Variants in RPS6KA5 observed in about 807,000 individuals in gnomAD.
RPS6KA5 encodes the protein ribosomal protein S6 kinase alpha-5.
Under a neutral mutation model 85.5 loss-of-function variants are expected in RPS6KA5, and 27 were observed. That is an observed-to-expected ratio of 0.32 (90% CI 0.23 to 0.44). The LOEUF (loss-of-function observed/expected upper bound fraction) is 0.44, where lower values mean the gene tolerates loss of function less well. Ranked by LOEUF, RPS6KA5 falls within the 20% of genes least tolerant of loss-of-function variation. The pLI is 1.00. For synonymous variants in RPS6KA5, 334 were observed against 348.2 expected (o/e 0.96, Z 0.46); for missense variants, 811 against 980.9 (o/e 0.83, Z 2.31).
Position 90,854,936 on chromosome 14 carries a change from A to C in RPS6KA5, c.*17138T>G, listed in dbSNP as rs2032196097. ...AATTCTTCACATAAAGATTTTATGT[A>C]AAACACTCTGCAGTTAGAAACAATC... is the stretch of plus-strand genomic sequence containing the variant. On this transcript the variant is annotated 3_prime_UTR_variant, in exon 17 of 17. Coordinates refer to ENST00000614987, the MANE Select transcript of RPS6KA5 (RefSeq NM_004755.4). 1 of 152,236 alleles carries C rather than the reference A, an allele frequency of 6.6e-6. No individual in the cohort carries two copies. Among genetic ancestry groups the C allele is most frequent in the Non-Finnish European group, 1.5e-5 (1 of 68,034 alleles). 9.4% of individuals were successfully genotyped at this position (152,236 alleles called of 1,614,324 possible).
intron 2 of RPS6KA5, among the ~76,000 whole-genome samples, chr14:90,982,288 A>G (rs2039825909): frequency 6.8e-6 from 1 of 147,670 alleles, no homozygotes; most frequent in Non-Finnish European, 1.5e-5. Flanking sequence ...CCTTTGGCAA[A>G]AAAAAAAAAA....
rs956982159 is a variant in RPS6KA5 at position 90,856,749 on chromosome 14, C to G, written c.*15325G>C. 2 of 152,206 alleles carry G rather than the reference C, an allele frequency of 1.3e-5. No individual in the cohort carries two copies. Among genetic ancestry groups the G allele is most frequent in the African/African-American group, 4.8e-5 (2 of 41,420 alleles). The allele number at this position is 152,206 out of a possible 1,614,324, so 9.4% of individuals were successfully genotyped here. ...TACTACATTTACAATGTCTTGCAAC[C>G]ATTACCACTACCTAATTCCAGAACA... On this transcript the variant is annotated 3_prime_UTR_variant, in exon 17 of 17. Coordinates refer to ENST00000614987, the MANE Select transcript of RPS6KA5 (RefSeq NM_004755.4).
chr14:90,918,240 T>A (rs995607975), intron 7 of RPS6KA5, among the ~76,000 whole-genome samples: 35 of 152,218 alleles, frequency 2.3e-4, no homozygotes, highest in Non-Finnish European at 3.7e-4. Context: ...GAATATATAG[T>A]GGTATTTCAT....
rs368981879 is a variant in RPS6KA5 at position 90,908,439 on chromosome 14, T to C, written c.807-2140A>G. ...GGCCAGAAGCAGCAGCAGGAGACCC[T>C]AGCAGGTGATGAGGAGTATCTTGCC... On this transcript the variant is annotated intron_variant, in intron 7 of 16. Coordinates refer to ENST00000614987, the MANE Select transcript of RPS6KA5 (RefSeq NM_004755.4). 3.9e-5 allele frequency among the ~76,000 whole-genome samples: 6 copies of C among 152,212 alleles called. No individual in the cohort carries two copies. In the East Asian group the frequency reaches 9.7e-4, roughly 25 times the overall value.
intron 14 of RPS6KA5, among the ~76,000 whole-genome samples, chr14:90,890,217 T>C (rs1313961404): frequency 6.6e-6 from 1 of 152,210 alleles, no homozygotes; most frequent in Non-Finnish European, 1.5e-5. Context: ...TCTTTAAAAA[T>C]ATATGCTATA....
rs2036331828 is a variant in RPS6KA5 at position 90,920,191 on chromosome 14, T to C, written c.806+15A>G. ...TGAGAAAACAATGCATTTATTTTAT[T>C]TTGTCAAATCTTACCTAGATATCTC... On this transcript the variant is annotated intron_variant, in intron 7 of 16. Coordinates refer to ENST00000614987, the MANE Select transcript of RPS6KA5 (RefSeq NM_004755.4). 6.8e-7 allele frequency: 1 copy of C among 1,466,550 alleles called. No homozygotes were observed. Among genetic ancestry groups the C allele is most frequent in the Admixed American group, 1.7e-5 (1 of 59,758 alleles). The allele number at this position is 1,466,550 out of a possible 1,614,324, so 90.8% of individuals were successfully genotyped here.
chr14:90,985,460 A>G (rs1278474837), intron 2 of RPS6KA5, among the ~76,000 whole-genome samples: 1 of 152,214 alleles, frequency 6.6e-6, no homozygotes, highest in African/African-American at 2.4e-5. Context: ...GTTGTGCTCA[A>G]CTTGGACATG....
chr14:90,858,045 T>C lies in RPS6KA5; in HGVS notation c.*14029A>G, dbSNP rs1292309795. The stretch of plus-strand genomic sequence containing the variant: ...ATTAAAAATGATTACCACCAGATTT[T>C]TGCTTTTGGCCACAATAGAGTAGCT... On this transcript the variant is annotated 3_prime_UTR_variant, in exon 17 of 17. Transcript: ENST00000614987. 1.3e-5 allele frequency: 2 copies of C among 152,184 alleles called. No homozygotes were observed. Among genetic ancestry groups the C allele is most frequent in the Non-Finnish European group, 2.9e-5 (2 of 68,034 alleles). The allele number at this position is 152,184 out of a possible 1,614,324, so 9.4% of individuals were successfully genotyped here.
In RPS6KA5 at chr14:91,056,242, C is replaced by T. The variant is rs545621043; in HGVS notation, c.103+4090G>A. Among the ~76,000 whole-genome samples, 7 of 152,248 alleles carry T rather than the reference C, an allele frequency of 4.6e-5. No homozygotes were observed. The South Asian group carries it at 1.5e-3, about 32-fold the overall frequency. On this transcript the variant is annotated intron_variant, in intron 1 of 16. Transcript: ENST00000614987. The stretch of plus-strand genomic sequence containing the variant: ...ACAGGCATCTAAGTAAATGTCTTCC[C>T]AGCAACTCCTCCTCTTCTTAGAGTT...
chr14:90,886,132 T>A (rs1372769650), intron 14 of RPS6KA5, among the ~76,000 whole-genome samples: 1 of 152,092 alleles, frequency 6.6e-6, no homozygotes, highest in Non-Finnish European at 1.5e-5. Context: ...TATATACATA[T>A]ACACATACAT....
chr14:90,972,960 T>A (rs147404845), intron 3 of RPS6KA5, among the ~76,000 whole-genome samples: 7 of 152,326 alleles, frequency 4.6e-5, no homozygotes, highest in African/African-American at 1.4e-4. Context: ...GAAAAGATGT[T>A]CGGCCTCATT....
rs560491857 is a variant in RPS6KA5 at position 90,982,412 on chromosome 14, T to C, written c.176-3888A>G. On this transcript the variant is annotated intron_variant, in intron 2 of 16. Coordinates refer to ENST00000614987, the MANE Select transcript of RPS6KA5 (RefSeq NM_004755.4). Reference sequence around the variant, plus strand: ...AGAAGTTTGAGACAGCAGTGAGCCATGATTGCACCACTGCACTACAGCCTG... The same window carrying C: ...AGAAGTTTGAGACAGCAGTGAGCCACGATTGCACCACTGCACTACAGCCTG... Among the ~76,000 whole-genome samples the C allele has an allele frequency of 9.9e-4, 150 of 152,136 alleles. 4 individuals are homozygous for C. In the South Asian group the frequency reaches 0.013, roughly 13 times the overall value.
At chr14:90,890,790 C>T (rs569829712) in intron 13 of RPS6KA5, 112 bp from the exon 14 acceptor site, 257 of 953,116 alleles carry the variant, frequency 2.7e-4, no homozygotes, top group Non-Finnish European at 3.9e-4. Flanking sequence ...GCAGAGAGGT[C>T]TCATGGGGAG....
chr14:90,999,361 G>A (rs2040677197), intron 2 of RPS6KA5, among the ~76,000 whole-genome samples: 1 of 152,178 alleles, frequency 6.6e-6, no homozygotes, highest in Admixed American at 6.5e-5. Flanking sequence ...TATATGGACA[G>A]GTGTAATCCA....
Position 90,850,463 on chromosome 14 carries a change from C to CAAAA in RPS6KA5, c.*21607_*21610dup, listed in dbSNP as rs5810522. The CAAAA allele has an allele frequency of 2.6e-3, 329 of 129,006 alleles. 1 individual carries two copies. Among genetic ancestry groups the CAAAA allele is most frequent in the African/African-American group, 7.4e-3 (263 of 35,356 alleles). The allele number at this position is 129,006 out of a possible 1,614,324, so 8.0% of individuals were successfully genotyped here. On this transcript the variant is annotated 3_prime_UTR_variant, in exon 17 of 17. Transcript: ENST00000614987. ...AACCTAATCAATGTGGGAAACCATA[C>CAAAA]AAAAAAAAAAAAAAAAAACAGAAAA...
intron 7 of RPS6KA5, among the ~76,000 whole-genome samples, chr14:90,908,358 T>C (rs894366283): frequency 6.6e-6 from 1 of 152,134 alleles, no homozygotes; most frequent in Non-Finnish European, 1.5e-5. Context: ...ATGAGGGAGC[T>C]TGGAGAACCA....
chr14:90,953,593 G>A (rs956197105), intron 3 of RPS6KA5, among the ~76,000 whole-genome samples: 5 of 152,156 alleles, frequency 3.3e-5, no homozygotes, highest in African/African-American at 7.2e-5. Context: ...ACAAACGGAC[G>A]TGCAAGTAGG....
At chr14:91,030,345 C>T (rs1212440561) in intron 1 of RPS6KA5, among the ~76,000 whole-genome samples, 2 of 152,028 alleles carry the variant, frequency 1.3e-5, no homozygotes, top group Non-Finnish European at 2.9e-5. Context: ...TAAGTCTACA[C>T]ACGCGCTGTT....
chr14:91,030,898 A>T (rs938028452), intron 1 of RPS6KA5, among the ~76,000 whole-genome samples: 1 of 152,060 alleles, frequency 6.6e-6, no homozygotes, highest in African/African-American at 2.4e-5. Context: ...ACAGGAGATT[A>T]AAAAAATTTA....
Sources: allele counts gnomAD v4.1 joint callset (sites outside exome capture counted in the v4.1 genomes callset), GRCh38; gene constraint gnomAD v4.1.1; transcripts MANE v1.5; gene names NCBI Gene and HGNC (gene_info 2026-07-23, HGNC 2026-07-21).